Variants in NHSL2 observed in about 807,000 individuals in gnomAD.
NHSL2 encodes the protein NHS like 2.
A neutral mutation model predicts 53.4 loss-of-function variants in NHSL2; 27 were observed. That is an observed-to-expected ratio of 0.51 (90% CI 0.37 to 0.70). NHSL2 has a LOEUF of 0.70. Among genes scored for constraint, NHSL2 ranks in the 30% least tolerant of loss-of-function variants. The pLI is 0.00. For missense variants in NHSL2, 892 were observed against 980.1 expected, an observed-to-expected ratio of 0.91 and a Z score of 1.20; for synonymous variants, 408 against 404.1, an observed-to-expected ratio of 1.01 and a Z score of -0.12.
intron 1 of NHSL2, chrX:72,044,869 C>T (rs777763104): frequency 3.3e-4 from 311 of 951,251 alleles, no homozygotes; most frequent in Non-Finnish European, 4.1e-4. Flanking sequence ...TGCTGCCCCA[C>T]GTCCCCCACC....
chrX:72,047,814 C>A lies in NHSL2; in HGVS notation c.281-84265C>A, dbSNP rs1291773854. On this transcript the variant is annotated intron_variant, in intron 1 of 7. Coordinates refer to ENST00000633930, the MANE Select transcript of NHSL2 (RefSeq NM_001013627.3). ...GTCAGTTCAGATCAGTGGAGCAAGT[C>A]TAAATAGGGCAAAGAGGAGGCAAGA... 3.6e-5 allele frequency among the ~76,000 whole-genome samples: 4 copies of A among 110,884 alleles called. No homozygotes were observed. In the Admixed American group the frequency reaches 3.8e-4, roughly 11 times the overall value.
intron 1 of NHSL2, among the ~76,000 whole-genome samples, chrX:71,914,980 G>A (rs1293193893): frequency 9.1e-6 from 1 of 110,300 alleles, no homozygotes; most frequent in Non-Finnish European, 1.9e-5. Flanking sequence ...GACAGAGTAT[G>A]GAGGGAGAAG....
intron 1 of NHSL2, among the ~76,000 whole-genome samples, chrX:71,913,701 T>A (rs193152828): frequency 1.3e-4 from 14 of 111,522 alleles, no homozygotes; most frequent in Middle Eastern, 9.3e-3. Flanking sequence ...ATGGCCAGAG[T>A]GAATGACAGC....
intron 1 of NHSL2, among the ~76,000 whole-genome samples, chrX:72,076,184 T>C (rs61064671): frequency 0.12 from 12,982 of 110,787 alleles, 874 homozygotes; most frequent in African/African-American, 0.25. Flanking sequence ...CTGCCTGCCT[T>C]GGCCTCCCAA....
chrX:72,073,964 A>G (rs777299858), intron 1 of NHSL2, among the ~76,000 whole-genome samples: 31 of 112,476 alleles, frequency 2.8e-4, no homozygotes, highest in Non-Finnish European at 5.3e-4. Context: ...GTATTATTGG[A>G]ATAACTGAAC....
In NHSL2 at chrX:72,137,130, CGTT is replaced by C. The variant is rs1357663340; in HGVS notation, c.801_803del (p.Leu267del). On this transcript the variant is annotated inframe_deletion, in exon 5 of 8. Coordinates refer to ENST00000633930, the MANE Select transcript of NHSL2 (RefSeq NM_001013627.3). ...GATAAACATGCAAGTTTGCGACACT[CGTT>C]GTTTAACACAGAGACAGCCGTGAAC... 4 of 1,163,714 alleles carry C rather than the reference CGTT, an allele frequency of 3.4e-6. No homozygotes were observed. Among genetic ancestry groups the C allele is most frequent in the Admixed American group, 2.6e-5 (1 of 38,588 alleles).
At chrX:71,962,769 A>G (rs2041874068) in intron 1 of NHSL2, among the ~76,000 whole-genome samples, 1 of 108,120 alleles carries the variant, frequency 9.2e-6, no homozygotes, top group African/African-American at 3.4e-5. Context: ...AGCTGGGACT[A>G]CAGGCATGTG....
rs1243040291 is a variant in NHSL2, at chrX:72,137,100, A to G, written c.767A>G (p.Gln256Arg). The G allele has an allele frequency of 8.6e-7, 1 of 1,166,748 alleles. No homozygotes were observed. ...DIVPINISGQQFDKHASLRHS... is the reference protein window; with the variant it reads ...DIVPINISGQRFDKHASLRHS... The stretch of plus-strand genomic sequence containing the variant: ...GTCTTTATTTTGGCTACAGGGCAGC[A>G]GTTTGATAAACATGCAAGTTTGCGA... Residue 256 changes from glutamine to arginine, a missense_variant, in exon 5 of 8, where the codon CAG becomes CGG. Coordinates refer to ENST00000633930, the MANE Select transcript of NHSL2 (RefSeq NM_001013627.3).
chrX:72,011,482 C>T (rs141091178), intron 1 of NHSL2, among the ~76,000 whole-genome samples: 664 of 111,797 alleles, frequency 5.9e-3, no homozygotes, highest in Non-Finnish European at 0.011. Flanking sequence ...CCATCGTGGC[C>T]AACACGGTGA....
At position 72,143,566 on chromosome X, in the gene NHSL2, A is replaced by G; in HGVS notation, c.3670A>G (p.Ser1224Gly). The part of the protein sequence containing the change: ...SKDYETTDNP[S>G]T ...AGACTATGAAACCACCGATAACCCCAGTACCTAAGCCCTGGGCTCAACAAG... is the reference window on the plus strand; with the variant it reads ...AGACTATGAAACCACCGATAACCCCGGTACCTAAGCCCTGGGCTCAACAAG... The change falls in exon 8 of 8, where the codon AGT (serine) becomes GGT (glycine). Residue 1224 changes from serine to glycine, a missense_variant. Physicochemically the swap from Ser to Gly is moderately conservative, Grantham distance 56 (BLOSUM62 0). Coordinates refer to ENST00000633930, the MANE Select transcript of NHSL2 (RefSeq NM_001013627.3). 6 of 1,142,651 alleles carry G rather than the reference A, an allele frequency of 5.3e-6. No individual in the cohort carries two copies. The highest frequency in any genetic ancestry group is 4.0e-5 in the South Asian group (2 of 50,356). The allele number at this position is 1,142,651 out of a possible 1,213,427, so 94.2% of individuals were successfully genotyped here. A position where few individuals can be genotyped will look rare whatever the true frequency, so the allele number is the denominator to read the frequency against.
intron 1 of NHSL2, among the ~76,000 whole-genome samples, chrX:71,913,828 C>CA (rs903289401): frequency 9.6e-4 from 6 of 6,238 alleles, no homozygotes; most frequent in East Asian, 0.33. Context: ...TGAGAAGCAG[C>CA]AGGGGAGGAC....
At chrX:71,983,176 T>A (rs1165455218) in intron 1 of NHSL2, among the ~76,000 whole-genome samples, 1 of 111,606 alleles carries the variant, frequency 9.0e-6, no homozygotes, top group East Asian at 2.8e-4. Context: ...GGAAAAACAG[T>A]TTGTTTTTCC....
chrX:72,092,046 A>G (rs1231728212), intron 1 of NHSL2, among the ~76,000 whole-genome samples: 2 of 112,003 alleles, frequency 1.8e-5, no homozygotes, highest in African/African-American at 6.5e-5. Flanking sequence ...ATCCAGGTTC[A>G]GAAGTGCAAG....
At chrX:72,039,677 T>C (rs1370943265) in intron 1 of NHSL2, among the ~76,000 whole-genome samples, 1 of 111,964 alleles carries the variant, frequency 8.9e-6, no homozygotes, top group East Asian at 2.8e-4. Flanking sequence ...AGAGACCCCA[T>C]GATACGTTTA....
intron 1 of NHSL2, among the ~76,000 whole-genome samples, chrX:72,119,688 A>C (rs1327114228): frequency 8.9e-6 from 1 of 112,293 alleles, no homozygotes; most frequent in African/African-American, 3.2e-5. Flanking sequence ...AGATTATGTC[A>C]TCTCTGCAAA....
At position 72,143,271 on chromosome X, in the gene NHSL2, C is replaced by G; in HGVS notation, c.3375C>G (p.Leu1125=). The change falls in exon 8 of 8, where the codon CTC becomes CTG. Residue 1125 remains leucine, a synonymous_variant. Transcript: ENST00000633930. ...TATCTAGGTCCAAAAGGAAGCTGCT[C>G]GGCTGGAAGGAACCTGGTGAGGCCT... The part of the protein sequence containing the change: ...TVIHRSKRKL[L]GWKEPGEAFV... 1.7e-6 allele frequency: 2 copies of G among 1,156,837 alleles called. No individual in the cohort carries two copies. Among genetic ancestry groups the G allele is most frequent in the Non-Finnish European group, 2.3e-6 (2 of 867,364 alleles).
intron 1 of NHSL2, among the ~76,000 whole-genome samples, chrX:71,994,435 C>T (rs1433874349): frequency 1.8e-5 from 2 of 108,931 alleles, no homozygotes; most frequent in African/African-American, 3.4e-5. Flanking sequence ...GCCTTACTGG[C>T]GCAGGGAGCC....
At position 72,139,891 on chromosome X, in the gene NHSL2, G is replaced by A; in HGVS notation, c.2343G>A (p.Leu781=). 8.3e-7 allele frequency: 1 copy of A among 1,211,202 alleles called. No homozygotes were observed. Among genetic ancestry groups the A allele is most frequent in the Admixed American group, 2.2e-5 (1 of 46,030 alleles). ...FDLPLTSSPN[L]DLSGMSISIR... is the part of the protein sequence containing the mutation. ...TACCACTGACCTCTTCACCCAACCTGGATCTGTCTGGGATGAGTATCTCCA... is the reference window on the plus strand; with the variant it reads ...TACCACTGACCTCTTCACCCAACCTAGATCTGTCTGGGATGAGTATCTCCA... Residue 781 remains leucine, a synonymous_variant, in exon 6 of 8, where the codon CTG becomes CTA. Transcript: ENST00000633930.
At position 72,151,430 on chromosome X, in the gene NHSL2, T is replaced by C. The variant is rs2042513065; in HGVS notation, c.*7856T>C. On this transcript the variant is annotated 3_prime_UTR_variant, in exon 8 of 8. Coordinates refer to ENST00000633930, the MANE Select transcript of NHSL2 (RefSeq NM_001013627.3). ...TCTGTGAGCTGCCCCATGTGATAAC[T>C]GAGTTGTGCAGTAGCTGATGTGGTT... 8.9e-6 allele frequency: 1 copy of C among 112,116 alleles called. No individual in the cohort carries two copies. Among genetic ancestry groups the C allele is most frequent in the Non-Finnish European group, 1.9e-5 (1 of 53,200 alleles). The allele number at this position is 112,116 out of a possible 1,213,427, so 9.2% of individuals were successfully genotyped here.
Sources: allele counts gnomAD v4.1 joint callset (sites outside exome capture counted in the v4.1 genomes callset), GRCh38; gene constraint gnomAD v4.1.1; transcripts MANE v1.5; gene names NCBI Gene and HGNC (gene_info 2026-07-23, HGNC 2026-07-21).